ZNF749: variants seen among roughly 807,000 people sequenced by gnomAD.
ZNF749 encodes zinc finger protein 749.
A neutral mutation model predicts 7.3 loss-of-function variants in ZNF749; 8 were observed. The observed-to-expected ratio is 1.10, with a 90% confidence interval of 0.64 to 1.98. The LOEUF is 1.98. Ranked by LOEUF, ZNF749 falls within the 30% of genes most tolerant of loss-of-function variation. The pLI is 0.00. For synonymous variants in ZNF749, 310 were observed against 322.4 expected, an observed-to-expected ratio of 0.96 and a Z score of 0.41; for missense variants, 898 against 932.4, an observed-to-expected ratio of 0.96 and a Z score of 0.48.
chr19:57,437,894 T>TC, intron 1 of ZNF749: 1 of 393,590 alleles, frequency 2.5e-6, no homozygotes, highest in Non-Finnish European at 4.5e-6. Context: ...CCTTTTAATC[T>TC]CCATTTTACA....
Position 57,441,986 on chromosome 19 carries a change from G to A in ZNF749, c.117G>A (p.Glu39=), listed in dbSNP as rs766618412. 1 of 1,614,084 alleles carries A rather than the reference G, an allele frequency of 6.2e-7. No homozygotes were observed. Among genetic ancestry groups the A allele is most frequent in the Non-Finnish European group, 8.5e-7 (1 of 1,180,014 alleles). ...QRHLHSNVML[E]NFALLSSVGC... ...ACCTGCACAGCAATGTGATGTTGGAGAACTTTGCGCTTTTGTCATCAGTAG... is the reference window on the plus strand; with the variant it reads ...ACCTGCACAGCAATGTGATGTTGGAAAACTTTGCGCTTTTGTCATCAGTAG... The change falls in exon 2 of 3, where the codon GAG becomes GAA. Residue 39 remains glutamate (E), a synonymous_variant. Transcript: ENST00000334181.
At position 57,443,862 on chromosome 19, in the gene ZNF749, C is replaced by A. The variant is rs758683483; in HGVS notation, c.714C>A (p.Asn238Lys). ...ECGELFRYNS[N>K]LIKYQQNHAG... Reference sequence around the variant, plus strand: ...GGGAATTGTTTAGGTACAACTCCAACCTTATTAAATATCAGCAAAATCATG... The same window carrying A: ...GGGAATTGTTTAGGTACAACTCCAAACTTATTAAATATCAGCAAAATCATG... The change falls in exon 3 of 3, where the codon AAC (asparagine) becomes AAA (lysine). Residue 238 changes from asparagine to lysine, a missense_variant. Physicochemically the swap from Asn to Lys is moderately conservative, Grantham distance 94. Coordinates refer to ENST00000334181, the MANE Select transcript of ZNF749 (RefSeq NM_001023561.4). 31 of 1,613,438 alleles carry A rather than the reference C, an allele frequency of 1.9e-5. No individual in the cohort carries two copies. The highest frequency in any genetic ancestry group is 2.5e-5 in the Non-Finnish European group (30 of 1,179,640).
chr19:57,444,158 A>G lies in ZNF749; in HGVS notation c.1010A>G (p.Tyr337Cys), dbSNP rs780836369. 6.8e-6 allele frequency: 11 copies of G among 1,613,920 alleles called. No homozygotes were observed. The highest frequency in any genetic ancestry group is 8.5e-6 in the Non-Finnish European group (10 of 1,180,000). The change falls in exon 3 of 3, where the codon TAT becomes TGT. Residue 337 changes from tyrosine to cysteine, a missense_variant. Tyr to Cys is a radical substitution (Grantham distance 194). Coordinates refer to ENST00000334181, the MANE Select transcript of ZNF749 (RefSeq NM_001023561.4). ...ECNKCGKFFM[Y>C]NSKLIRHQKV... ...AACAAGTGTGGGAAGTTTTTTATGT[A>G]TAACTCCAAACTCATCAGACATCAG...
At position 57,442,255 on chromosome 19, in the gene ZNF749, C is replaced by A. The variant is rs1292961425; in HGVS notation, c.142+244C>A. On this transcript the variant is annotated intron_variant, in intron 2 of 2. Coordinates refer to ENST00000334181, the MANE Select transcript of ZNF749 (RefSeq NM_001023561.4). This position sits in a 1 kb window ranked among gnomAD's most constrained non-coding sequence, Gnocchi z 6.6. ...ATAAGGCTCGGAAGTCAGAAATCTT[C>A]AGGTTTCTTTAAGATATCCTAATGG... Among the ~76,000 whole-genome samples the A allele has an allele frequency of 6.6e-6, 1 of 152,168 alleles. No individual in the cohort carries two copies. Among genetic ancestry groups the A allele is most frequent in the South Asian group, 2.1e-4 (1 of 4,820 alleles).
chr19:57,432,084 C>T (rs892730156), upstream of ZNF749, among the ~76,000 whole-genome samples: 4 of 151,804 alleles, frequency 2.6e-5, no homozygotes, highest in Admixed American at 1.3e-4. Flanking sequence ...CTGCCTGCCT[C>T]GGCCTCCCAA....
Position 57,439,513 on chromosome 19 carries a change from C to G in ZNF749, c.16-2372C>G, listed in dbSNP as rs1041318593. On this transcript the variant is annotated intron_variant, in intron 1 of 2. Transcript: ENST00000334181. This position sits in a 1 kb window ranked among gnomAD's most constrained non-coding sequence, Gnocchi z 4.3. ...AGTGGCCAGGCATGGTGGATCACAC[C>G]TGTAATCCCAGCACTTTGGGAGGCA... Among the ~76,000 whole-genome samples, 1 of 152,096 alleles carries G rather than the reference C, an allele frequency of 6.6e-6. No individual in the cohort carries two copies. Among genetic ancestry groups the G allele is most frequent in the Admixed American group, 6.5e-5 (1 of 15,274 alleles).
At chr19:57,438,972 A>G (rs1018003307) in intron 1 of ZNF749, among the ~76,000 whole-genome samples, 2 of 152,170 alleles carry the variant, frequency 1.3e-5, no homozygotes, top group African/African-American at 4.8e-5. Flanking sequence ...GTATGGCAGC[A>G]GGGTAGGAGG....
Position 57,436,733 on chromosome 19 carries a change from T to A in ZNF749, c.15+1140T>A, listed in dbSNP as rs1406148855. 6.6e-6 allele frequency among the ~76,000 whole-genome samples: 1 copy of A among 152,230 alleles called. No homozygotes were observed. Among genetic ancestry groups the A allele is most frequent in the Admixed American group, 6.5e-5 (1 of 15,288 alleles). ...CCAGCAAGCTCCCTTTACTGCATTA[T>A]ATGGCAGGCTGACCTGTTTGCTGAA... On this transcript the variant is annotated intron_variant, in intron 1 of 2. Coordinates refer to ENST00000334181, the MANE Select transcript of ZNF749 (RefSeq NM_001023561.4). The surrounding 1 kb of genome is among the most constrained non-coding windows in gnomAD (Gnocchi z 4.0).
In ZNF749 at chr19:57,444,957, G is replaced by C. The variant is rs2089044337; in HGVS notation, c.1809G>C (p.Gln603His). 1.2e-6 allele frequency: 2 copies of C among 1,614,092 alleles called. No homozygotes were observed. Among genetic ancestry groups the C allele is most frequent in the Admixed American group, 3.3e-5 (2 of 59,990 alleles). Residue 603 changes from glutamine (Q) to histidine (H), a missense_variant, in exon 3 of 3, where the codon CAG becomes CAC. Physicochemically the swap from Gln to His is conservative, Grantham distance 24. Transcript: ENST00000334181. ...FLDSYKLVIHQRIHTGEKPYK... is the reference protein window; with the variant it reads ...FLDSYKLVIHHRIHTGEKPYK... ...ACAGCTACAAACTTGTTATTCATCA[G>C]AGAATTCACACTGGAGAAAAGCCTT...
intron 1 of ZNF749, 175 bp downstream of exon 1, chr19:57,435,768 C>G: frequency 7.7e-7 from 1 of 1,295,676 alleles, no homozygotes. Flanking sequence ...CGGAGACCGA[C>G]ACGTCTCTGG....
upstream of ZNF749, among the ~76,000 whole-genome samples, chr19:57,433,378 C>T (rs949590677): frequency 6.6e-6 from 1 of 152,104 alleles, no homozygotes; most frequent in African/African-American, 2.4e-5. Context: ...GTAGATACCA[C>T]ATTAGATTTC....
the ZNF749 span, chr19:57,428,709 G>A: frequency 4.6e-5 from 7 of 152,148 alleles, no homozygotes; most frequent in Admixed American, 6.5e-5. Context: ...GAATCTGAGC[G>A]TTTAAGTGTA....
intron 1 of ZNF749, 27 bp from the exon 2 acceptor site, chr19:57,441,858 T>G (rs2088993095): frequency 1.2e-6 from 2 of 1,613,514 alleles, no homozygotes; most frequent in African/African-American, 2.7e-5. Flanking sequence ...AAGTTGTTCA[T>G]AGACTGAAGT....
intron 1 of ZNF749, among the ~76,000 whole-genome samples, chr19:57,437,216 C>G (rs2088943836): frequency 6.6e-6 from 1 of 151,744 alleles, no homozygotes; most frequent in South Asian, 2.1e-4. Context: ...ATTCTTGCCT[C>G]TCTGAGCCTG....
chr19:57,432,552 ACT>A (rs1215865508), upstream of ZNF749, among the ~76,000 whole-genome samples: 1 of 132,078 alleles, frequency 7.6e-6, no homozygotes, highest in South Asian at 2.5e-4. Flanking sequence ...ACAGAGTGAG[ACT>A]CTGTCTTAAA....
chr19:57,437,982 G>C, intron 1 of ZNF749: 1 of 397,442 alleles, frequency 2.5e-6, no homozygotes, highest in Non-Finnish European at 4.4e-6. Context: ...ACTGAACTTA[G>C]GACTTGCTGT....
At chr19:57,429,713 G>A in the ZNF749 span, among the ~76,000 whole-genome samples, 1 of 152,012 alleles carries the variant, frequency 6.6e-6, no homozygotes, top group Non-Finnish European at 1.5e-5. The surrounding 1 kb of genome is among the most constrained non-coding windows in gnomAD (Gnocchi z 4.2). Flanking sequence ...GTGCAGTGGT[G>A]TAATCTCAGC....
chr19:57,442,358 G>A lies in ZNF749; in HGVS notation c.142+347G>A, dbSNP rs914915863. 6.6e-6 allele frequency among the ~76,000 whole-genome samples: 1 copy of A among 152,166 alleles called. No homozygotes were observed. The highest frequency in any genetic ancestry group is 1.5e-5 in the Non-Finnish European group (1 of 68,018). On this transcript the variant is annotated intron_variant, in intron 2 of 2. Transcript: ENST00000334181. This position sits in a 1 kb window ranked among gnomAD's most constrained non-coding sequence, Gnocchi z 6.6. ...CAAGGGTTTCCCTGTTCCCCTTGCTGACATACTTGGAGACAGTGTCTGTGC... is the reference window on the plus strand; with the variant it reads ...CAAGGGTTTCCCTGTTCCCCTTGCTAACATACTTGGAGACAGTGTCTGTGC...
In ZNF749 at chr19:57,441,954, C is replaced by G. The variant is rs1440570597; in HGVS notation, c.85C>G (p.Gln29Glu). Residue 29 changes from glutamine (Q) to glutamate (E), a missense_variant, in exon 2 of 3, where the codon CAG becomes GAG. Physicochemically the swap from Gln to Glu is conservative, Grantham distance 29. Transcript: ENST00000334181. ...GGAATGGGGGATCCTTAATGATGCT[C>G]AGAGACACCTGCACAGCAATGTGAT... is the stretch of plus-strand genomic sequence containing the variant. ...QEEWGILNDA[Q>E]RHLHSNVMLE... is the part of the protein sequence containing the mutation. 6.2e-7 allele frequency: 1 copy of G among 1,614,160 alleles called. No individual in the cohort carries two copies. The highest frequency in any genetic ancestry group is 8.5e-7 in the Non-Finnish European group (1 of 1,180,022).
Sources: allele counts gnomAD v4.1 joint callset (sites outside exome capture counted in the v4.1 genomes callset), GRCh38; gene constraint gnomAD v4.1.1; non-coding constraint Gnocchi (gnomAD v3.1); transcripts MANE v1.5; gene names NCBI Gene and HGNC (gene_info 2026-07-23, HGNC 2026-07-21).